Variants in SLC25A26 observed in about 807,000 individuals in gnomAD.
The protein encoded by SLC25A26 is solute carrier family 25 member 26, also known as mitochondrial S-adenosylmethionine carrier protein.
SLC25A26 carries 36 observed loss-of-function variants against 37.8 expected under a neutral mutation model. That is an observed-to-expected ratio of 0.95 (90% CI 0.73 to 1.26). The LOEUF (loss-of-function observed/expected upper bound fraction) is 1.26, where lower values mean the gene tolerates loss of function less well. SLC25A26 is among the 50% of genes most tolerant of loss of function. The pLI is 0.00. For synonymous variants in SLC25A26, 129 were observed against 122.5 expected, an observed-to-expected ratio of 1.05 and a Z score of -0.35; for missense variants, 390 against 331.1, an observed-to-expected ratio of 1.18 and a Z score of -1.38.
At chr3:66,148,741 T>A (rs576628691) in intron 1 of SLC25A26, among the ~76,000 whole-genome samples, 1 of 152,274 alleles carries the variant, frequency 6.6e-6, no homozygotes, top group East Asian at 1.9e-4. Context: ...ATAGAATTGA[T>A]CTTCTAAAAT....
chr3:66,368,075 T>G (rs1399522714), intron 7 of SLC25A26, among the ~76,000 whole-genome samples: 1 of 152,178 alleles, frequency 6.6e-6, no homozygotes, highest in Non-Finnish European at 1.5e-5. Flanking sequence ...TGTTACCATA[T>G]GGAGGAGGCT....
chr3:66,157,654 T>G (rs2070302254), intron 1 of SLC25A26, among the ~76,000 whole-genome samples: 1 of 152,244 alleles, frequency 6.6e-6, no homozygotes, highest in African/African-American at 2.4e-5. Flanking sequence ...CAGGTGACTC[T>G]GAGCCCTATC....
chr3:66,373,191 A>G (rs1206268355), intron 9 of SLC25A26, among the ~76,000 whole-genome samples: 1 of 152,108 alleles, frequency 6.6e-6, no homozygotes, highest in African/African-American at 2.4e-5. Context: ...CCCTTTATGT[A>G]GTAGCTGCCA....
intron 6 of SLC25A26, among the ~76,000 whole-genome samples, chr3:66,346,673 T>C (rs1160720910): frequency 6.6e-6 from 1 of 152,058 alleles, no homozygotes; most frequent in African/African-American, 2.4e-5. Context: ...TTTTTCCATA[T>C]TGCCATTCTT....
intron 9 of SLC25A26, among the ~76,000 whole-genome samples, chr3:66,375,195 T>C (rs1257741938): frequency 1.3e-5 from 2 of 151,992 alleles, no homozygotes; most frequent in Non-Finnish European, 2.9e-5. Context: ...CTGAGAGAGG[T>C]GAGGAAGCTG....
intron 5 of SLC25A26, among the ~76,000 whole-genome samples, chr3:66,315,719 G>C (rs1430934342): frequency 6.6e-6 from 1 of 152,120 alleles, no homozygotes; most frequent in Non-Finnish European, 1.5e-5. Context: ...GGGTATTAAA[G>C]TCTCCCACTA....
chr3:66,266,407 A>C (rs980627684), intron 5 of SLC25A26, among the ~76,000 whole-genome samples: 3 of 152,176 alleles, frequency 2.0e-5, no homozygotes, highest in Admixed American at 6.5e-5. Context: ...AAATACATCA[A>C]AATCTTAGTG....
intron 6 of SLC25A26, among the ~76,000 whole-genome samples, chr3:66,349,388 C>T (rs1228513287): frequency 1.3e-5 from 2 of 152,186 alleles, no homozygotes; most frequent in Non-Finnish European, 2.9e-5. Flanking sequence ...TCTGTACCCA[C>T]AGCCCCTGTG....
intron 5 of SLC25A26, among the ~76,000 whole-genome samples, chr3:66,307,458 G>A (rs1265386735): frequency 1.3e-5 from 2 of 152,274 alleles, no homozygotes; most frequent in East Asian, 3.9e-4. Flanking sequence ...TAGGTTGCCT[G>A]TTCACTCTGA....
intron 9 of SLC25A26, among the ~76,000 whole-genome samples, chr3:66,375,678 G>T (rs755484700): frequency 2.7e-4 from 41 of 152,276 alleles, no homozygotes; most frequent in South Asian, 6.2e-4. Flanking sequence ...CCACTGCTGG[G>T]ACCTAGTGCT....
chr3:66,263,101 T>A (rs2073593897), intron 4 of SLC25A26, among the ~76,000 whole-genome samples: 1 of 152,248 alleles, frequency 6.6e-6, no homozygotes, highest in Non-Finnish European at 1.5e-5. Flanking sequence ...TGTTCCTGTT[T>A]CAAAGAGAGC....
intron 6 of SLC25A26, among the ~76,000 whole-genome samples, chr3:66,357,204 A>G (rs2076595943): frequency 6.6e-6 from 1 of 152,020 alleles, no homozygotes; most frequent in African/African-American, 2.4e-5. Flanking sequence ...ACTTGAGATC[A>G]GGAGTTTGAG....
chr3:66,252,823 A>G (rs1382529990), intron 3 of SLC25A26, among the ~76,000 whole-genome samples: 1 of 152,168 alleles, frequency 6.6e-6, no homozygotes, highest in African/African-American at 2.4e-5. Context: ...ATAATAAAAC[A>G]CCACTGTAGA....
At chr3:66,258,606 T>TA (rs2073397673) in intron 3 of SLC25A26, among the ~76,000 whole-genome samples, 1 of 152,180 alleles carries the variant, frequency 6.6e-6, no homozygotes, top group African/African-American at 2.4e-5. Context: ...ATAGCCACAT[T>TA]AAAAAAGGTG....
chr3:66,242,151 A>C (rs528437551), intron 2 of SLC25A26, among the ~76,000 whole-genome samples: 3 of 152,214 alleles, frequency 2.0e-5, no homozygotes, highest in African/African-American at 7.2e-5. Flanking sequence ...GTGGTTAACC[A>C]TGAAATGGAG....
At chr3:66,289,842 T>C (rs1412540224) in intron 5 of SLC25A26, among the ~76,000 whole-genome samples, 4 of 152,172 alleles carry the variant, frequency 2.6e-5, no homozygotes, top group Non-Finnish European at 4.4e-5. Context: ...TAGTTTTTTC[T>C]AATTCTGTGA....
intron 3 of SLC25A26, among the ~76,000 whole-genome samples, chr3:66,245,137 G>C (rs1169627788): frequency 2.0e-5 from 3 of 151,052 alleles, no homozygotes. Context: ...CGAACTCCTG[G>C]TCTCATGTAG....
chr3:66,141,074 C>G (rs574994895), intron 1 of SLC25A26, among the ~76,000 whole-genome samples: 1 of 150,314 alleles, frequency 6.7e-6, no homozygotes, highest in South Asian at 2.1e-4. Context: ...CACACACACG[C>G]AAATGAGCAC....
chr3:66,351,942 A>C (rs1221271375), intron 6 of SLC25A26, among the ~76,000 whole-genome samples: 1 of 152,076 alleles, frequency 6.6e-6, no homozygotes, highest in Non-Finnish European at 1.5e-5. Flanking sequence ...CAGCAGCCAG[A>C]GTGATCTTTT....
Sources: gnomAD v4.1 joint callset for allele counts (sites outside exome capture counted in the v4.1 genomes callset) on GRCh38, gnomAD v4.1.1 for gene constraint, MANE v1.5 for transcripts, NCBI Gene and HGNC (gene_info 2026-07-23, HGNC 2026-07-21) for gene names.